LRRC74B: variants seen among roughly 807,000 people sequenced by gnomAD.
LRRC74B encodes the protein leucine rich repeat containing 74B.
In LRRC74B, 30 loss-of-function variants were observed where a neutral mutation model predicts 16.6. The observed-to-expected ratio is 1.80, with a 90% CI of 1.35 to 2.45. The LOEUF is 2.45. Ranked by LOEUF, LRRC74B falls within the 30% of genes most tolerant of loss-of-function variation. The probability of loss-of-function intolerance (pLI) is 0.00; values close to 1 mark genes in which losing one functional copy is unlikely to be tolerated. For synonymous variants in LRRC74B, 134 were observed against 86.0 expected, an observed-to-expected ratio of 1.56 and a Z score of -3.09; for missense variants, 326 against 202.4, an observed-to-expected ratio of 1.61 and a Z score of -3.71.
chr22:21,046,133 G>C lies in LRRC74B; in HGVS notation c.139+8G>C, dbSNP rs1488157168. Reference sequence around the variant, plus strand: ...CCGACCTGGAGACGGAAGGTGCTCGGGGGAGGGGGCAGGCCCGACTCCTCC... The same window carrying C: ...CCGACCTGGAGACGGAAGGTGCTCGCGGGAGGGGGCAGGCCCGACTCCTCC... On this transcript the variant is annotated splice_region_variant and intron_variant, in intron 1 of 8. Transcript: ENST00000442047. 1.4e-6 allele frequency: 1 copy of C among 716,268 alleles called. No homozygotes were observed. Among genetic ancestry groups the C allele is most frequent in the African/African-American group, 1.7e-5 (1 of 57,262 alleles). The allele number at this position is 716,268 out of a possible 1,614,324, so 44.4% of individuals were successfully genotyped here.
intron 1 of LRRC74B, 123 bp downstream of exon 1, chr22:21,046,248 C>CCTT: frequency 1.6e-6 from 1 of 614,726 alleles, no homozygotes; most frequent in Non-Finnish European, 2.9e-6. Context: ...GCGCCTCCAG[C>CCTT]CCCCTGCCTT....
intron 8 of LRRC74B, among the ~76,000 whole-genome samples, chr22:21,058,342 C>T (rs1930655694): frequency 6.6e-6 from 1 of 152,018 alleles, no homozygotes; most frequent in African/African-American, 2.4e-5. Flanking sequence ...AGGTCCCCAT[C>T]TCTACAAAAA....
chr22:21,053,590 G>A, intron 6 of LRRC74B, 115 bp downstream of exon 6: 2 of 620,584 alleles, frequency 3.2e-6, no homozygotes, highest in South Asian at 4.1e-5. Flanking sequence ...CACAATCCCA[G>A]AGCAGCTCTG....
exon 2 of LRRC74B, chr22:21,047,406 T>C (rs1180960971): frequency 1.4e-6 from 1 of 717,404 alleles, no homozygotes; most frequent in Non-Finnish European, 2.6e-6. Context: ...CCTGAGGTCT[T>C]GCCGGGCCCA....
downstream of LRRC74B, chr22:21,062,714 A>G (rs958920892): frequency 6.5e-4 from 31 of 48,054 alleles, no homozygotes; most frequent in East Asian, 6.6e-3. Context: ...CTCGGTCTCA[A>G]AAAAAAAAAA....
chr22:21,047,714 C>T (rs1055561743), intron 2 of LRRC74B, among the ~76,000 whole-genome samples, 170 bp from the exon 3 acceptor site: 19 of 151,778 alleles, frequency 1.3e-4, no homozygotes, highest in African/African-American at 4.6e-4. Context: ...GCTGGGGGGT[C>T]AGGGAGAGCT....
At chr22:21,055,674 A>C (rs1930466502) in intron 7 of LRRC74B, among the ~76,000 whole-genome samples, 1 of 152,148 alleles carries the variant, frequency 6.6e-6, no homozygotes, top group Non-Finnish European at 1.5e-5. Context: ...CTGTGCCCAC[A>C]GCAGGTACGT....
At chr22:21,047,532 G>A (rs745993399) in intron 2 of LRRC74B, 34 bp downstream of exon 2, 3 of 715,140 alleles carry the variant, frequency 4.2e-6, no homozygotes, top group South Asian at 3.0e-5. Context: ...CCAGGCTTAC[G>A]GGGAGAGGCC....
chr22:21,048,459 C>T (rs1197461783), intron 3 of LRRC74B: 6 of 261,950 alleles, frequency 2.3e-5, no homozygotes, highest in Non-Finnish European at 3.7e-5. Flanking sequence ...CCTCTCTGAG[C>T]TTCAGTTTCT....
intron 7 of LRRC74B, among the ~76,000 whole-genome samples, chr22:21,055,459 C>T (rs1339460453): frequency 6.6e-6 from 1 of 152,202 alleles, no homozygotes; most frequent in Admixed American, 6.5e-5. Context: ...CTCATCTTCT[C>T]CCCTGCCTTT....
intron 7 of LRRC74B, 72 bp downstream of exon 7, chr22:21,055,248 C>A (rs975597236): frequency 4.4e-6 from 3 of 678,914 alleles, no homozygotes; most frequent in South Asian, 1.5e-5. Context: ...ATCCCTCCCC[C>A]ACAGCCCCCA....
At position 21,047,839 on chromosome 22, in the gene LRRC74B, C is replaced by T. The variant is rs1480810753; in HGVS notation, c.283-45C>T. On this transcript the variant is annotated intron_variant, in intron 2 of 8. Transcript: ENST00000442047. ...ATGTGGAGTGGGCTGAGCCCTGGAG[C>T]ATGAGCCAGGATAGTGGCCAGTGTG... The T allele has an allele frequency of 2.0e-5, 14 of 712,242 alleles. 1 individual carries two copies. In the South Asian group the frequency reaches 2.1e-4, roughly 11 times the overall value. 44.1% of individuals were successfully genotyped at this position (712,242 alleles called of 1,614,324 possible). A position where few individuals can be genotyped will look rare whatever the true frequency, so the allele number is the denominator to read the frequency against.
At chr22:21,052,795 G>T (rs407234) in intron 5 of LRRC74B, among the ~76,000 whole-genome samples, 1 of 152,010 alleles carries the variant, frequency 6.6e-6, no homozygotes, top group East Asian at 1.9e-4. Context: ...CTGGTGCTAG[G>T]GTGGTACAAG....
exon 4 of LRRC74B, chr22:21,048,996 C>T (rs1188215325): frequency 1.4e-6 from 1 of 715,658 alleles, no homozygotes; most frequent in Non-Finnish European, 2.6e-6. Context: ...GGAGCCCAGG[C>T]CCTCTGTGCC....
At chr22:21,057,077 C>A in intron 7 of LRRC74B, 28 bp from the exon 8 acceptor site, 2 of 716,922 alleles carry the variant, frequency 2.8e-6, no homozygotes, top group Admixed American at 4.0e-5. Flanking sequence ...GACCTGGCTT[C>A]TCGCAGCTTT....
chr22:21,063,741 G>A (rs1930917632), downstream of LRRC74B: 1 of 152,226 alleles, frequency 6.6e-6, no homozygotes, highest in Non-Finnish European at 1.5e-5. Flanking sequence ...TTGGGAGGCT[G>A]AAGTGGGTGA....
At chr22:21,048,100 G>C in intron 3 of LRRC74B, 84 bp downstream of exon 3, 1 of 702,776 alleles carries the variant, frequency 1.4e-6, no homozygotes, top group Non-Finnish European at 2.6e-6. Flanking sequence ...GCTGGGCCGT[G>C]TCACCTGGGG....
At chr22:21,055,440 T>C (rs1468152412) in intron 7 of LRRC74B, among the ~76,000 whole-genome samples, 1 of 152,144 alleles carries the variant, frequency 6.6e-6, no homozygotes, top group Admixed American at 6.5e-5. Flanking sequence ...GGGCACCCCT[T>C]GTGTCTCCCT....
rs1930248362 is a variant in LRRC74B, at chr22:21,053,624, A to G, written c.848+149A>G. 3 of 581,902 alleles carry G rather than the reference A, an allele frequency of 5.2e-6. No individual in the cohort carries two copies. The South Asian group carries it at 7.2e-5, about 14-fold the overall frequency. The allele number at this position is 581,902 out of a possible 1,614,324, so 36.0% of individuals were successfully genotyped here. On this transcript the variant is annotated intron_variant, in intron 6 of 8. Coordinates refer to ENST00000442047, the Ensembl canonical transcript of LRRC74B. ...TGTCATCCTTATCACTGGAGTTTAT[A>G]ATTTTATTTATTTATTTAAAACAGC...
Sources: allele counts gnomAD v4.1 joint callset (sites outside exome capture counted in the v4.1 genomes callset), GRCh38; gene constraint gnomAD v4.1.1; transcripts MANE v1.5; gene names NCBI Gene and HGNC (gene_info 2026-07-23, HGNC 2026-07-21).